CACNA1E: variants seen among roughly 807,000 people sequenced by gnomAD.
CACNA1E encodes the protein calcium voltage-gated channel subunit alpha1 E.
Under a neutral mutation model 259.2 loss-of-function variants are expected in CACNA1E, and 40 were observed. The ratio of observed to expected loss-of-function variants is 0.15; its 90% confidence interval spans 0.12 to 0.20. The LOEUF is 0.20. Ranked by LOEUF, CACNA1E falls within the 10% of genes least tolerant of loss-of-function variation. CACNA1E has a pLI of 1.00. For missense variants in CACNA1E, 1,874 were observed against 3,040.1 expected, an observed-to-expected ratio of 0.62 and a Z score of 9.02; for synonymous variants, 1,104 against 1,138.5, an observed-to-expected ratio of 0.97 and a Z score of 0.61.
chr1:181,338,638 G>T (rs527759421), intron 1 of CACNA1E, among the ~76,000 whole-genome samples: 1 of 151,292 alleles, frequency 6.6e-6, no homozygotes, highest in East Asian at 1.9e-4. Context: ...ATTTTCCTTT[G>T]CTGTTCAGAA....
At chr1:181,526,701 TC>T (rs1174196892) in intron 3 of CACNA1E, among the ~76,000 whole-genome samples, 1 of 152,212 alleles carries the variant, frequency 6.6e-6, no homozygotes. Context: ...GAACAAAGGC[TC>T]TGGCATGACA....
At chr1:181,657,848 A>G (rs1364353211) in intron 7 of CACNA1E, among the ~76,000 whole-genome samples, 3 of 152,232 alleles carry the variant, frequency 2.0e-5, no homozygotes, top group Non-Finnish European at 4.4e-5. Flanking sequence ...GATTTCTTCT[A>G]TATTTACTCA....
chr1:181,507,332 C>T (rs1572050181), intron 1 of CACNA1E, among the ~76,000 whole-genome samples: 2 of 152,216 alleles, frequency 1.3e-5, no homozygotes, highest in Non-Finnish European at 1.5e-5. Context: ...GAGCATCTTC[C>T]GGTGGTGTTG....
intron 1 of CACNA1E, among the ~76,000 whole-genome samples, chr1:181,488,853 A>G (rs1435190364): frequency 3.3e-5 from 5 of 152,122 alleles, no homozygotes; most frequent in African/African-American, 4.8e-5. Context: ...GCTCCATCCA[A>G]AATTACTTAT....
At chr1:181,373,788 G>A (rs1020694631) in intron 1 of CACNA1E, among the ~76,000 whole-genome samples, 9 of 152,130 alleles carry the variant, frequency 5.9e-5, no homozygotes, top group Non-Finnish European at 1.3e-4. Context: ...GCCTCCCAAA[G>A]TGCTGGGATT....
At chr1:181,790,594 T>A in intron 44 of CACNA1E, 38 bp downstream of exon 44, 2 of 1,221,770 alleles carry the variant, frequency 1.6e-6, no homozygotes, top group Non-Finnish European at 2.4e-6. Context: ...AACTACTTCC[T>A]TGGTTTCCTG....
At chr1:181,738,301 T>G in intron 23 of CACNA1E, 66 bp from the exon 24 acceptor site, 3 of 1,297,308 alleles carry the variant, frequency 2.3e-6, no homozygotes, top group Non-Finnish European at 3.4e-6. Flanking sequence ...TCCTGGCAGG[T>G]GGGAGCTCAT....
At chr1:181,511,612 T>C in intron 3 of CACNA1E, 102 bp downstream of exon 3, 1 of 1,328,344 alleles carries the variant, frequency 7.5e-7, no homozygotes, top group Non-Finnish European at 1.1e-6. Context: ...CAGCAATCTG[T>C]AGAGTAGGGG....
chr1:181,530,154 A>G (rs1476020207), intron 3 of CACNA1E, among the ~76,000 whole-genome samples: 2 of 152,192 alleles, frequency 1.3e-5, no homozygotes, highest in South Asian at 4.1e-4. Context: ...ATCTCACAAG[A>G]TCTGATGGGT....
chr1:181,797,427 T>C (rs78195310), intron 47 of CACNA1E, among the ~76,000 whole-genome samples: 2,789 of 152,282 alleles, frequency 0.018, 81 homozygotes, highest in African/African-American at 0.063. Flanking sequence ...TTTTGACCCA[T>C]AATAGGAGAC....
chr1:181,547,006 A>T (rs2102815458), intron 3 of CACNA1E, among the ~76,000 whole-genome samples: 1 of 152,230 alleles, frequency 6.6e-6, no homozygotes, highest in South Asian at 2.1e-4. Flanking sequence ...AACTTAGATG[A>T]TTTAAAGCCT....
chr1:181,634,729 C>T (rs1361460860), intron 6 of CACNA1E, among the ~76,000 whole-genome samples: 4 of 152,122 alleles, frequency 2.6e-5, no homozygotes, highest in African/African-American at 4.8e-5. Context: ...GAGCCTTCTG[C>T]CCCTCATTAT....
intron 2 of CACNA1E, among the ~76,000 whole-genome samples, chr1:181,429,064 C>A (rs1659520676): frequency 6.6e-6 from 1 of 152,102 alleles, no homozygotes; most frequent in Non-Finnish European, 1.5e-5. Flanking sequence ...CGCCTGTAAT[C>A]CCAGCTATTT....
rs1658324108 is a variant in CACNA1E at position 181,758,879 on chromosome 1, G to T, written c.4605+11G>T. ...GCTTTTGGCTTTTTGGTATGTTGCT[G>T]AATCCTTCCCAGCACTGGGCTTGTC... On this transcript the variant is annotated intron_variant, in intron 32 of 47. Coordinates refer to ENST00000367573, the MANE Select transcript of CACNA1E (RefSeq NM_001205293.3). The surrounding 1 kb of genome is among the most constrained non-coding windows in gnomAD (Gnocchi z 4.2). 1.4e-6 allele frequency: 2 copies of T among 1,444,386 alleles called. No homozygotes were observed. The highest frequency in any genetic ancestry group is 2.8e-5 in the African/African-American group (2 of 71,456). The allele number at this position is 1,444,386 out of a possible 1,614,324, so 89.5% of individuals were successfully genotyped here.
Position 181,806,297 on chromosome 1 carries a change from G to A in CACNA1E, c.*7463G>A, listed in dbSNP as rs896569229. On this transcript the variant is annotated 3_prime_UTR_variant, in exon 48 of 48. Coordinates refer to ENST00000367573, the MANE Select transcript of CACNA1E (RefSeq NM_001205293.3). ...GATTTCAGACTCTGCAGGGTGCACC[G>A]GTTCTAGCCTCAAATAACAACATTG... The A allele has an allele frequency of 3.9e-5, 6 of 152,226 alleles. No individual in the cohort carries two copies. The highest frequency in any genetic ancestry group is 2.1e-4 in the South Asian group (1 of 4,828). The allele number at this position is 152,226 out of a possible 1,614,324, so 9.4% of individuals were successfully genotyped here.
intron 1 of CACNA1E, among the ~76,000 whole-genome samples, chr1:181,404,733 A>G (rs1657344048): frequency 6.6e-6 from 1 of 152,100 alleles, no homozygotes; most frequent in Admixed American, 6.5e-5. Flanking sequence ...TGAACTTCCC[A>G]CGTGTTTGAT....
chr1:181,683,909 G>T (rs1009781234), intron 7 of CACNA1E, among the ~76,000 whole-genome samples: 1 of 152,184 alleles, frequency 6.6e-6, no homozygotes, highest in African/African-American at 2.4e-5. Context: ...ATGTATGCCT[G>T]TGTTTTTATC....
intron 18 of CACNA1E, among the ~76,000 whole-genome samples, chr1:181,727,944 C>A (rs115436207): frequency 6.6e-6 from 1 of 152,114 alleles, no homozygotes; most frequent in African/African-American, 2.4e-5. Flanking sequence ...CCCTCCTGCA[C>A]GGCCATCATG....
rs369512705 is a variant in CACNA1E at position 181,327,299 on chromosome 1, T to C, written c.-15+9176T>C. On this transcript the variant is annotated intron_variant, in intron 1 of 11. Coordinates refer to the CACNA1E transcript ENST00000524607. Reference sequence around the variant, plus strand: ...CCAACTATGACTTTGACAAGATCCTTAACACTTGACTTTGAAGTGACAGTG... The same window carrying C: ...CCAACTATGACTTTGACAAGATCCTCAACACTTGACTTTGAAGTGACAGTG... Among the ~76,000 whole-genome samples the C allele has an allele frequency of 6.4e-4, 97 of 152,298 alleles. 1 individual carries two copies. Among genetic ancestry groups the C allele is most frequent in the African/African-American group, 1.9e-3 (78 of 41,554 alleles).
Sources: gnomAD v4.1 joint callset for allele counts (sites outside exome capture counted in the v4.1 genomes callset) on GRCh38, gnomAD v4.1.1 for gene constraint, Gnocchi (gnomAD v3.1) non-coding constraint, MANE v1.5 for transcripts, NCBI Gene and HGNC (gene_info 2026-07-23, HGNC 2026-07-21) for gene names.